NUP160: variants seen among roughly 807,000 people sequenced by gnomAD.
The protein encoded by NUP160 is nucleoporin 160.
Under a neutral mutation model 196.9 loss-of-function variants are expected in NUP160, and 94 were observed. The ratio of observed to expected loss-of-function variants is 0.48; its 90% CI spans 0.40 to 0.57. The LOEUF (loss-of-function observed/expected upper bound fraction) is 0.57. Ranked by LOEUF, NUP160 falls within the 20% of genes least tolerant of loss-of-function variation. The pLI is 0.00. For missense variants in NUP160, 1,638 were observed against 1,748.3 expected, an observed-to-expected ratio of 0.94 and a Z score of 1.13; for synonymous variants, 605 against 619.7, an observed-to-expected ratio of 0.98 and a Z score of 0.35.
chr11:47,781,209 C>T (rs933214089), intron 34 of NUP160, among the ~76,000 whole-genome samples: 13 of 151,508 alleles, frequency 8.6e-5, no homozygotes, highest in African/African-American at 2.4e-4. Flanking sequence ...GGCGACAGAG[C>T]GAGACTCCGT....
intron 23 of NUP160, among the ~76,000 whole-genome samples, chr11:47,799,231 A>G (rs2097672713): frequency 6.6e-6 from 1 of 151,772 alleles, no homozygotes; most frequent in South Asian, 2.1e-4. Flanking sequence ...GATTACAGGC[A>G]TGCCCCACCA....
chr11:47,839,774 G>A (rs1388710882), intron 4 of NUP160, 69 bp downstream of exon 4: 12 of 1,279,648 alleles, frequency 9.4e-6, no homozygotes, highest in Middle Eastern at 1.8e-4. Context: ...ATTGGATGAC[G>A]AGGTTGAACT....
Position 47,792,927 on chromosome 11 carries a change from C to G in NUP160, c.3309G>C (p.Glu1103Asp), listed in dbSNP as rs1229714799. Residue 1103 changes from glutamate (E) to aspartate (D), a missense_variant, in exon 28 of 36, where the codon GAG (glutamate) becomes GAC (aspartate). This residue lies in a region of NUP160 where 1,345 missense variants were observed against 1,470.2 expected (regional missense o/e 0.91). Coordinates refer to ENST00000378460, the Ensembl canonical transcript of NUP160. ...CTTCTCTGCCAAGCCGCATTCCATA[C>G]TCAAACATCACTGTGCCAGCTATGA... The G allele has an allele frequency of 4.3e-6, 7 of 1,613,328 alleles. No individual in the cohort carries two copies. The Admixed American group carries it at 5.0e-5, about 12-fold the overall frequency.
intron 29 of NUP160, among the ~76,000 whole-genome samples, chr11:47,791,334 G>T (rs937929781): frequency 6.6e-5 from 10 of 152,102 alleles, no homozygotes; most frequent in Non-Finnish European, 1.0e-4. Context: ...CTTCGTATGG[G>T]TCCCACTAAA....
chr11:47,785,631 A>G (rs2097664099), intron 32 of NUP160, among the ~76,000 whole-genome samples: 1 of 152,232 alleles, frequency 6.6e-6, no homozygotes, highest in African/African-American at 2.4e-5. Flanking sequence ...TTGGCTATTA[A>G]TGCATAATTC....
intron 15 of NUP160, 97 bp from the exon 16 acceptor site, chr11:47,812,526 C>T (rs1226342823): frequency 4.2e-6 from 5 of 1,204,182 alleles, no homozygotes; most frequent in Non-Finnish European, 5.8e-6. Context: ...ACAAGAGAAC[C>T]AGATAAAGGA....
Position 47,792,228 on chromosome 11 carries a change from T to C in NUP160, c.3451-238A>G, listed in dbSNP as rs74667058. The C allele has an allele frequency of 3.4e-3, 1,422 of 424,006 alleles. 11 individuals are homozygous for C. Among genetic ancestry groups the C allele is most frequent in the African/African-American group, 0.026 (1,276 of 48,998 alleles). The allele number at this position is 424,006 out of a possible 1,614,324, so 26.3% of individuals were successfully genotyped here. ...TCCAAGGACAGGGATTTGATCTCCA[T>C]GTAAATCAACTAATTTTTCTCGGCT... On this transcript the variant is annotated intron_variant, in intron 28 of 35. Transcript: ENST00000378460.
chr11:47,790,211 G>A lies in NUP160; in HGVS notation c.3512-1600C>T, dbSNP rs142387594. Among the ~76,000 whole-genome samples, 812 of 151,946 alleles carry A rather than the reference G, an allele frequency of 5.3e-3. 10 individuals are homozygous for A. The highest frequency in any genetic ancestry group is 0.018 in the African/African-American group (731 of 41,418). ...TCTGTCTGCCTTGGCCTCCCAATGT[G>A]CTGGGATTACAGGCGTGAGTCACTG... On this transcript the variant is annotated intron_variant, in intron 29 of 35. Transcript: ENST00000378460.
chr11:47,838,145 G>A (rs910911915), intron 4 of NUP160, among the ~76,000 whole-genome samples: 1 of 152,148 alleles, frequency 6.6e-6, no homozygotes. Context: ...ATTTTGAAAA[G>A]GATGGTCAGG....
intron 21 of NUP160, chr11:47,804,338 C>T (rs2097676194): frequency 2.0e-6 from 1 of 487,808 alleles, no homozygotes; most frequent in Admixed American, 4.4e-5. Context: ...CTAACCATGC[C>T]CAACCCTATT....
At chr11:47,824,532 C>G (rs58023759) in intron 7 of NUP160, among the ~76,000 whole-genome samples, 4,819 of 151,988 alleles carry the variant, frequency 0.032, 263 homozygotes, top group African/African-American at 0.11. Context: ...ATGGTGTGAA[C>G]CCGGGAGGCG....
chr11:47,788,851 A>G lies in NUP160; in HGVS notation c.3512-240T>C, dbSNP rs373886875. Reference sequence around the variant, plus strand: ...TGAGGAGGTGCTTACAAGGTACTACATGTAATTTCATTTAACTCTTTAAAC... The same window carrying G: ...TGAGGAGGTGCTTACAAGGTACTACGTGTAATTTCATTTAACTCTTTAAAC... On this transcript the variant is annotated intron_variant, in intron 29 of 35. Coordinates refer to ENST00000378460, the Ensembl canonical transcript of NUP160. Among the ~76,000 whole-genome samples the G allele has an allele frequency of 2.3e-4, 35 of 152,086 alleles. No individual in the cohort carries two copies. In the East Asian group the frequency reaches 5.2e-3, roughly 23 times the overall value.
At chr11:47,846,381 C>T (rs924065364) in intron 2 of NUP160, among the ~76,000 whole-genome samples, 1 of 152,116 alleles carries the variant, frequency 6.6e-6, no homozygotes, top group Non-Finnish European at 1.5e-5. Flanking sequence ...AAGGGCTGCT[C>T]CCCAGGTACT....
At chr11:47,806,459 T>C (rs1405944583) in intron 19 of NUP160, 147 bp from the exon 20 acceptor site, 2 of 592,462 alleles carry the variant, frequency 3.4e-6, no homozygotes, top group East Asian at 2.8e-5. Flanking sequence ...CCAGTGGCAA[T>C]ATAAATAAAA....
In NUP160 at chr11:47,813,312, T is replaced by C. The variant is rs1443708554; in HGVS notation, c.1786+4A>G. ...TTAAATATGGACATAACAATTACTA[T>C]TACCATCAGATATGGTTGTCTCATC... On this transcript the variant is annotated splice_donor_region_variant and intron_variant, in intron 14 of 35. Coordinates refer to ENST00000378460, the Ensembl canonical transcript of NUP160. The C allele has an allele frequency of 4.5e-6, 7 of 1,553,854 alleles. No homozygotes were observed. The African/African-American group carries it at 5.4e-5, about 12-fold the overall frequency.
At chr11:47,780,980 G>C (rs1039386519) in intron 34 of NUP160, among the ~76,000 whole-genome samples, 1 of 151,650 alleles carries the variant, frequency 6.6e-6, no homozygotes, top group Non-Finnish European at 1.5e-5. Flanking sequence ...TAATTCCAAC[G>C]TTTTGGGAGG....
intron 7 of NUP160, among the ~76,000 whole-genome samples, chr11:47,827,709 C>T (rs188081443): frequency 1.3e-5 from 2 of 150,220 alleles, no homozygotes; most frequent in South Asian, 2.1e-4. Flanking sequence ...AAAAAAAAGA[C>T]GACAAAAAAG....
chr11:47,839,635 T>C (rs780032549), intron 4 of NUP160: 16 of 576,378 alleles, frequency 2.8e-5, no homozygotes, highest in Non-Finnish European at 4.3e-5. Flanking sequence ...TATACTTGTC[T>C]ATTTGTTTTT....
Position 47,798,357 on chromosome 11 carries a change from C to T in NUP160, c.2991+11G>A. The T allele has an allele frequency of 6.3e-7, 1 of 1,589,970 alleles. No individual in the cohort carries two copies. Among genetic ancestry groups the T allele is most frequent in the Non-Finnish European group, 8.6e-7 (1 of 1,158,710 alleles). ...CTTAAAGAAAACAACCAAATTGCAG[C>T]CAATTCTTACCTGACTTTTCCAGTC... On this transcript the variant is annotated intron_variant, in intron 24 of 35. Transcript: ENST00000378460.
Sources: gnomAD v4.1 joint callset for allele counts (sites outside exome capture counted in the v4.1 genomes callset) on GRCh38, gnomAD v4.1.1 for gene constraint, gnomAD v4.1.1 regional missense constraint, MANE v1.5 for transcripts, NCBI Gene and HGNC (gene_info 2026-07-23, HGNC 2026-07-21) for gene names.